Variants in MACROD2 observed in about 807,000 individuals in gnomAD.
MACROD2 encodes the protein mono-ADP ribosylhydrolase 2.
MACROD2 carries 36 observed loss-of-function variants against 70.4 expected under a neutral mutation model. That is an observed-to-expected ratio of 0.51 (90% CI 0.39 to 0.68). MACROD2 has a LOEUF of 0.68. MACROD2 is among the 30% of genes least tolerant of loss of function. MACROD2 has a pLI of 0.00. For synonymous variants in MACROD2, 172 were observed against 178.8 expected (o/e 0.96, Z 0.30); for missense variants, 496 against 538.4 (o/e 0.92, Z 0.78).
At chr20:14,497,410 A>C (rs1023791241) in intron 4 of MACROD2, among the ~76,000 whole-genome samples, 1 of 151,856 alleles carries the variant, frequency 6.6e-6, no homozygotes, top group African/African-American at 2.4e-5. Context: ...AAATCATTGT[A>C]GCCAGTCTTA....
intron 3 of MACROD2, among the ~76,000 whole-genome samples, chr20:14,274,564 G>A (rs563983800): frequency 6.6e-6 from 1 of 152,238 alleles, no homozygotes; most frequent in East Asian, 1.9e-4. Context: ...AAAACTGGAA[G>A]CATTCCCTTT....
At chr20:15,616,088 G>A (rs1211945438) in intron 8 of MACROD2, among the ~76,000 whole-genome samples, 3 of 147,600 alleles carry the variant, frequency 2.0e-5, no homozygotes, top group Non-Finnish European at 4.5e-5. Flanking sequence ...CACTCCATCA[G>A]TTCCCCATTC....
At chr20:15,968,112 A>G (rs932049625) in intron 13 of MACROD2, among the ~76,000 whole-genome samples, 1 of 152,204 alleles carries the variant, frequency 6.6e-6, no homozygotes, top group African/African-American at 2.4e-5. Context: ...GACAGTACAC[A>G]TTATATTTAT....
intron 3 of MACROD2, among the ~76,000 whole-genome samples, chr20:14,251,774 G>C (rs555456265): frequency 6.6e-6 from 1 of 152,190 alleles, no homozygotes; most frequent in East Asian, 1.9e-4. Context: ...AGAAAAGACT[G>C]TTGAAGTGTA....
chr20:14,163,792 AT>A (rs1601298490), intron 3 of MACROD2, among the ~76,000 whole-genome samples: 1 of 151,324 alleles, frequency 6.6e-6, no homozygotes, highest in East Asian at 2.0e-4. Context: ...CAGCTCCAGA[AT>A]TTCTGTTTTA....
At chr20:15,086,590 T>C (rs1378856005) in intron 5 of MACROD2, among the ~76,000 whole-genome samples, 1 of 152,186 alleles carries the variant, frequency 6.6e-6, no homozygotes, top group Non-Finnish European at 1.5e-5. Flanking sequence ...ATCATCATTT[T>C]GATTCTTTAT....
rs1266961233 is a variant in MACROD2 at position 16,051,829 on chromosome 20, A to C, written c.*1953A>C. 2 of 152,150 alleles carry C rather than the reference A, an allele frequency of 1.3e-5. No individual in the cohort carries two copies. The highest frequency in any genetic ancestry group is 2.9e-5 in the Non-Finnish European group (2 of 68,010). The allele number at this position is 152,150 out of a possible 1,614,324, so 9.4% of individuals were successfully genotyped here. A position where few individuals can be genotyped will look rare whatever the true frequency, so the allele number is the denominator to read the frequency against. ...ATGTTAGTGCTACTTAGCCTCAGTAATGAGTTACAGTTGAAAAAAACATGA... is the reference window on the plus strand; with the variant it reads ...ATGTTAGTGCTACTTAGCCTCAGTACTGAGTTACAGTTGAAAAAAACATGA... On this transcript the variant is annotated 3_prime_UTR_variant, in exon 18 of 18. Coordinates refer to ENST00000684519, the MANE Select transcript of MACROD2 (RefSeq NM_001351661.2).
intron 4 of MACROD2, among the ~76,000 whole-genome samples, chr20:14,633,469 A>G (rs991535623): frequency 1.3e-5 from 2 of 152,218 alleles, no homozygotes; most frequent in Non-Finnish European, 2.9e-5. Context: ...TTGGTGATAA[A>G]TAAAAAATCC....
chr20:14,956,469 A>AT, intron 5 of MACROD2, among the ~76,000 whole-genome samples: 1 of 152,080 alleles, frequency 6.6e-6, no homozygotes. Flanking sequence ...TTTCCTTAGA[A>AT]TTTTTTTCTT....
chr20:14,896,037 C>G (rs909877598), intron 5 of MACROD2, among the ~76,000 whole-genome samples: 5 of 152,182 alleles, frequency 3.3e-5, no homozygotes, highest in South Asian at 4.1e-4. Context: ...TGGCTCACGC[C>G]TATAATCCCA....
chr20:15,807,381 C>A (rs1010102082), intron 8 of MACROD2, among the ~76,000 whole-genome samples: 1 of 152,156 alleles, frequency 6.6e-6, no homozygotes, highest in African/African-American at 2.4e-5. Context: ...AAAGAAAGAA[C>A]CATCTTCTGA....
chr20:14,319,286 G>A (rs2082638778), intron 3 of MACROD2, among the ~76,000 whole-genome samples: 1 of 151,934 alleles, frequency 6.6e-6, no homozygotes, highest in Non-Finnish European at 1.5e-5. Flanking sequence ...GTAGCTTCTC[G>A]GTCTTTATTT....
intron 4 of MACROD2, among the ~76,000 whole-genome samples, chr20:14,598,724 G>T (rs1982299130): frequency 6.6e-6 from 1 of 152,110 alleles, no homozygotes; most frequent in African/African-American, 2.4e-5. Flanking sequence ...AATGTAGTAG[G>T]GAGCAGTTTG....
At chr20:15,869,423 A>G (rs73898564) in intron 9 of MACROD2, among the ~76,000 whole-genome samples, 6,002 of 151,288 alleles carry the variant, frequency 0.04, 277 homozygotes, top group East Asian at 0.13. Flanking sequence ...TATTTAAAAA[A>G]TTAATAGAAA....
intron 5 of MACROD2, among the ~76,000 whole-genome samples, chr20:14,703,267 T>G (rs2071228393): frequency 6.6e-6 from 1 of 152,082 alleles, no homozygotes. Context: ...GGAGGGACTG[T>G]GTGGTAAAAT....
At chr20:15,633,238 ATTATAT>A (rs1731970334) in intron 8 of MACROD2, among the ~76,000 whole-genome samples, 1 of 152,142 alleles carries the variant, frequency 6.6e-6, no homozygotes, top group Non-Finnish European at 1.5e-5. Context: ...TTATTTCAAA[ATTATAT>A]TTAAAAGGAA....
chr20:15,103,998 T>C (rs926950561), intron 5 of MACROD2, among the ~76,000 whole-genome samples: 1 of 152,118 alleles, frequency 6.6e-6, no homozygotes, highest in Admixed American at 6.6e-5. Context: ...TTTTAAAAGA[T>C]GGCTATCACA....
intron 3 of MACROD2, among the ~76,000 whole-genome samples, chr20:14,307,382 A>T (rs1212056314): frequency 6.6e-6 from 1 of 152,128 alleles, no homozygotes; most frequent in African/African-American, 2.4e-5. Context: ...GGATTTGATA[A>T]AGAACTTTTG....
intron 5 of MACROD2, among the ~76,000 whole-genome samples, chr20:15,196,417 A>T (rs1422805496): frequency 1.3e-5 from 2 of 152,210 alleles, no homozygotes; most frequent in Admixed American, 6.5e-5. Flanking sequence ...AGGAGCTAAG[A>T]TATATGGCAA....
Sources: allele counts gnomAD v4.1 joint callset (sites outside exome capture counted in the v4.1 genomes callset), GRCh38; gene constraint gnomAD v4.1.1; transcripts MANE v1.5; gene names NCBI Gene and HGNC (gene_info 2026-07-23, HGNC 2026-07-21).